SCD5: variants seen among roughly 807,000 people sequenced by gnomAD.
SCD5 encodes stearoyl-CoA desaturase 5.
A neutral mutation model predicts 30.4 loss-of-function variants in SCD5; 20 were observed. That is an observed-to-expected ratio of 0.66 (90% confidence interval 0.46 to 0.96). The LOEUF (loss-of-function observed/expected upper bound fraction) is 0.96. SCD5 is among the 40% of genes least tolerant of loss of function. The pLI is 0.00. For missense variants in SCD5, 381 were observed against 443.3 expected (o/e 0.86, Z 1.26); for synonymous variants, 173 against 176.4 (o/e 0.98, Z 0.16).
chr4:82,640,024 GC>G, intron 3 of SCD5, among the ~76,000 whole-genome samples: 1 of 152,278 alleles, frequency 6.6e-6, no homozygotes, highest in East Asian at 1.9e-4. Context: ...AGTCATGAAG[GC>G]CCCAGGCACA....
chr4:82,754,392 G>A (rs1721181540), intron 1 of SCD5, among the ~76,000 whole-genome samples: 1 of 152,202 alleles, frequency 6.6e-6, no homozygotes, highest in Non-Finnish European at 1.5e-5. Flanking sequence ...TGGGAAAGCA[G>A]AGAGAGGGAG....
intron 3 of SCD5, among the ~76,000 whole-genome samples, chr4:82,649,020 G>C (rs1372658217): frequency 1.3e-5 from 2 of 152,050 alleles, no homozygotes; most frequent in Non-Finnish European, 2.9e-5. Flanking sequence ...TTTATTTACA[G>C]GTCCTTGGTT....
intron 1 of SCD5, among the ~76,000 whole-genome samples, chr4:82,754,075 G>A (rs1016286413): frequency 1.3e-5 from 2 of 152,134 alleles, no homozygotes; most frequent in African/African-American, 2.4e-5. Flanking sequence ...CCTGAGAAAG[G>A]GGCAAGGCTG....
At chr4:82,730,538 C>G (rs986886448) in intron 1 of SCD5, among the ~76,000 whole-genome samples, 13 of 150,054 alleles carry the variant, frequency 8.7e-5, no homozygotes, top group African/African-American at 1.2e-4. Context: ...CATCATGATC[C>G]GCCCACCTTG....
Position 82,631,497 on chromosome 4 carries a change from G to A in SCD5, c.823C>T (p.His275Tyr). 1 of 1,614,048 alleles carries A rather than the reference G, an allele frequency of 6.2e-7. No individual in the cohort carries two copies. The highest frequency in any genetic ancestry group is 8.5e-7 in the Non-Finnish European group (1 of 1,179,952). The change falls in exon 5 of 5, where the codon CAT (histidine) becomes TAT (tyrosine). Residue 275 changes from histidine (H) to tyrosine (Y), a missense_variant. Coordinates refer to ENST00000319540, the MANE Select transcript of SCD5 (RefSeq NM_001037582.3). ...GAIGEGFHNY[H>Y]HTFPFDYSAS... ...GAGTAGTCAAAGGGAAAGGTGTGAT[G>A]GTAATTATGGAAGCCTTCACCTGGA...
intron 1 of SCD5, among the ~76,000 whole-genome samples, chr4:82,758,898 C>T (rs947740593): frequency 6.6e-6 from 1 of 152,164 alleles, no homozygotes; most frequent in Admixed American, 6.5e-5. Context: ...GCCTCCCCCG[C>T]GAAACAACAA....
chr4:82,762,222 G>A (rs1266132975), intron 1 of SCD5, among the ~76,000 whole-genome samples: 2 of 133,420 alleles, frequency 1.5e-5, no homozygotes, highest in Non-Finnish European at 3.2e-5. Context: ...GAGGAGGGGA[G>A]GGGGAGAGGA....
rs1560540798 is a variant in SCD5 at position 82,712,277 on chromosome 4, TATATATATATATATATATA to T, written c.233-6883_233-6865del. 7.4e-4 allele frequency among the ~76,000 whole-genome samples: 36 copies of T among 48,932 alleles called. 4 individuals are homozygous for T. Among genetic ancestry groups the T allele is most frequent in the African/African-American group, 3.3e-3 (29 of 8,844 alleles). 32.1% of individuals were successfully genotyped at this position (48,932 alleles called of 152,430 possible). Reference sequence around the variant, plus strand: ...ATATATATATATATATATATATATATATATATATATATATATATATTTTATTTTTATTTTATTTTTTTTT... The same window carrying T: ...ATATATATATATATATATATATATATTTTTATTTTTATTTTATTTTTTTTT... On this transcript the variant is annotated intron_variant, in intron 1 of 4. Coordinates refer to ENST00000319540, the MANE Select transcript of SCD5 (RefSeq NM_001037582.3).
chr4:82,794,014 G>A (rs1722155908), intron 1 of SCD5, among the ~76,000 whole-genome samples: 1 of 152,180 alleles, frequency 6.6e-6, no homozygotes, highest in Admixed American at 6.5e-5. Flanking sequence ...ACGGAAGACA[G>A]CTCATCTTTG....
intron 1 of SCD5, among the ~76,000 whole-genome samples, chr4:82,790,943 A>G (rs1418274570): frequency 6.6e-6 from 1 of 152,232 alleles, no homozygotes; most frequent in Non-Finnish European, 1.5e-5. Context: ...ATTGGAACTT[A>G]AAAAATGATT....
chr4:82,653,394 C>T (rs962192874), intron 3 of SCD5, among the ~76,000 whole-genome samples: 2 of 152,144 alleles, frequency 1.3e-5, no homozygotes, highest in African/African-American at 4.8e-5. Context: ...CCTGCCCGAG[C>T]TCCCACATTA....
chr4:82,756,114 G>A (rs1376754930), intron 1 of SCD5, among the ~76,000 whole-genome samples: 1 of 152,152 alleles, frequency 6.6e-6, no homozygotes, highest in Non-Finnish European at 1.5e-5. Flanking sequence ...GTGTCCACAG[G>A]CACATCACAC....
intron 3 of SCD5, among the ~76,000 whole-genome samples, chr4:82,639,827 C>T (rs534765503): frequency 6.6e-6 from 1 of 152,338 alleles, no homozygotes; most frequent in South Asian, 2.1e-4. Flanking sequence ...CCTTCCTCCG[C>T]TCTTTGGATT....
rs139993099 is a variant in SCD5, at chr4:82,660,961, A to G, written c.569+19746T>C. On this transcript the variant is annotated intron_variant, in intron 3 of 4. Transcript: ENST00000319540. ...GTTACAATGAGTATGTAACAAAGCT[A>G]AAATGTGTAATCCGGGAAGGGTGAC... 3 of 1,614,214 alleles carry G rather than the reference A, an allele frequency of 1.9e-6. No homozygotes were observed. In the African/African-American group the frequency reaches 4.0e-5, roughly 22 times the overall value.
intron 3 of SCD5, among the ~76,000 whole-genome samples, chr4:82,667,174 C>A (rs1017681642): frequency 1.1e-4 from 16 of 152,238 alleles, no homozygotes; most frequent in African/African-American, 3.9e-4. Flanking sequence ...GAGCAACTGT[C>A]TCCTCATCTT....
intron 4 of SCD5, among the ~76,000 whole-genome samples, chr4:82,636,271 T>C (rs537532655): frequency 7.0e-6 from 1 of 142,548 alleles, no homozygotes; most frequent in Non-Finnish European, 1.5e-5. Flanking sequence ...TGAAACCCCA[T>C]CTCTACTAAA....
chr4:82,759,143 TTCTA>T (rs980441703), intron 1 of SCD5, among the ~76,000 whole-genome samples: 1 of 152,216 alleles, frequency 6.6e-6, no homozygotes, highest in East Asian at 1.9e-4. Context: ...TGACTGTGCC[TTCTA>T]TCTGAGTGAG....
intron 1 of SCD5, among the ~76,000 whole-genome samples, chr4:82,720,441 T>TAAAAAAAAAAAAAAAAA (rs1553917690): frequency 5.1e-5 from 4 of 77,894 alleles, no homozygotes; most frequent in Non-Finnish European, 9.4e-5. Context: ...AAGGCAAAAA[T>TAAAAAAAAAAAAAAAAA]AAAAAAAAAA....
chr4:82,649,420 G>A (rs1210477942), intron 3 of SCD5, among the ~76,000 whole-genome samples: 3 of 152,078 alleles, frequency 2.0e-5, no homozygotes, highest in Non-Finnish European at 2.9e-5. Context: ...ATTTTCACTG[G>A]TAAAATAAAG....
Sources: gnomAD v4.1 joint callset for allele counts (sites outside exome capture counted in the v4.1 genomes callset) on GRCh38, gnomAD v4.1.1 for gene constraint, MANE v1.5 for transcripts, NCBI Gene and HGNC (gene_info 2026-07-23, HGNC 2026-07-21) for gene names.